UBE2D2: variants seen among roughly 807,000 people sequenced by gnomAD.
The protein encoded by UBE2D2 is ubiquitin-conjugating enzyme E2 D2.
UBE2D2 carries 2 observed loss-of-function variants against 24.2 expected under a neutral mutation model. The observed-to-expected ratio is 0.08, with a 90% CI of 0.03 to 0.26. UBE2D2 has a LOEUF of 0.26. UBE2D2 is among the 10% of genes least tolerant of loss of function. UBE2D2 has a pLI of 1.00. For missense variants in UBE2D2, 44 were observed against 177.6 expected, an observed-to-expected ratio of 0.25 and a Z score of 4.28; for synonymous variants, 58 against 56.5, an observed-to-expected ratio of 1.03 and a Z score of -0.12.
intron 1 of UBE2D2, chr5:139,555,002 G>C (rs949531988): frequency 6.6e-6 from 1 of 151,760 alleles, no homozygotes; most frequent in African/African-American, 2.4e-5. Context: ...CATATTAGCC[G>C]CTCATTGTGA....
At chr5:139,624,675 A>C (rs1294342358) in intron 6 of UBE2D2, among the ~76,000 whole-genome samples, 1 of 152,158 alleles carries the variant, frequency 6.6e-6, no homozygotes, top group Non-Finnish European at 1.5e-5. Flanking sequence ...AATCGCAGCT[A>C]CTCGAGAGGC....
chr5:139,619,929 C>T (rs1363371319), intron 5 of UBE2D2, among the ~76,000 whole-genome samples: 2 of 152,166 alleles, frequency 1.3e-5, no homozygotes, highest in African/African-American at 4.8e-5. Flanking sequence ...GCAGCATCTG[C>T]TTCTGCGGAG....
intron 1 of UBE2D2, among the ~76,000 whole-genome samples, chr5:139,549,674 AC>A (rs1270328003): frequency 6.6e-6 from 1 of 152,094 alleles, no homozygotes; most frequent in African/African-American, 2.4e-5. Flanking sequence ...ACGGGGCGCC[AC>A]CCCCTGCTCC....
chr5:139,568,797 C>T (rs2126652992), intron 1 of UBE2D2, among the ~76,000 whole-genome samples: 1 of 152,158 alleles, frequency 6.6e-6, no homozygotes, highest in East Asian at 1.9e-4. Context: ...ATGGTGAAAC[C>T]CTGTCTCTAC....
At chr5:139,566,910 G>T in intron 1 of UBE2D2, among the ~76,000 whole-genome samples, 1 of 150,320 alleles carries the variant, frequency 6.7e-6, no homozygotes, top group Non-Finnish European at 1.5e-5. Context: ...TTTGGCAACC[G>T]ATTCAACTTA....
chr5:139,588,630 G>C (rs1237096407), intron 1 of UBE2D2, among the ~76,000 whole-genome samples: 4 of 152,082 alleles, frequency 2.6e-5, no homozygotes, highest in Admixed American at 6.6e-5. Context: ...AAAGGGATAG[G>C]CTTCATGAGA....
chr5:139,583,289 C>T (rs1465050114), intron 1 of UBE2D2, among the ~76,000 whole-genome samples: 15 of 152,076 alleles, frequency 9.9e-5, no homozygotes, highest in Non-Finnish European at 2.9e-5. Context: ...ACAATGTATT[C>T]TTAAAAATTG....
chr5:139,528,217 C>T (rs942996687), intron 1 of UBE2D2, among the ~76,000 whole-genome samples: 39 of 152,152 alleles, frequency 2.6e-4, no homozygotes, highest in African/African-American at 9.7e-5. Flanking sequence ...TGTTCATCCC[C>T]GAGTGGATGT....
At chr5:139,567,634 C>T (rs369029992) in intron 1 of UBE2D2, among the ~76,000 whole-genome samples, 64 of 149,462 alleles carry the variant, frequency 4.3e-4, no homozygotes, top group African/African-American at 1.5e-3. Flanking sequence ...CCTGGGTTCA[C>T]GCCATTCTCC....
intron 1 of UBE2D2, among the ~76,000 whole-genome samples, chr5:139,591,197 C>T (rs1213796912): frequency 6.6e-6 from 1 of 151,012 alleles, no homozygotes; most frequent in African/African-American, 2.4e-5. Context: ...CTCGGCTCAC[C>T]ATAACCTGCA....
At chr5:139,565,328 G>A (rs1232547999) in intron 1 of UBE2D2, among the ~76,000 whole-genome samples, 1 of 152,086 alleles carries the variant, frequency 6.6e-6, no homozygotes, top group Non-Finnish European at 1.5e-5. Context: ...ACATCTTAAG[G>A]TCCCCTGACC....
At chr5:139,624,938 G>A (rs571815314) in intron 6 of UBE2D2, among the ~76,000 whole-genome samples, 76 of 152,220 alleles carry the variant, frequency 5.0e-4, no homozygotes, top group African/African-American at 1.6e-3. Flanking sequence ...TGTTTTGTCC[G>A]ATATTTAGAA....
At chr5:139,600,465 T>C (rs761221923) in intron 2 of UBE2D2, 30 bp downstream of exon 2, 50 of 1,608,460 alleles carry the variant, frequency 3.1e-5, no homozygotes, top group Non-Finnish European at 3.8e-5. Context: ...AATGGAGTAA[T>C]AGCATAACAG....
intron 1 of UBE2D2, among the ~76,000 whole-genome samples, chr5:139,528,488 A>C (rs900899344): frequency 6.6e-6 from 1 of 152,222 alleles, no homozygotes; most frequent in Non-Finnish European, 1.5e-5. Flanking sequence ...CCAGTGGCCT[A>C]TCTCTCAAAA....
intron 1 of UBE2D2, among the ~76,000 whole-genome samples, chr5:139,547,547 T>C (rs2126636179): frequency 6.6e-6 from 1 of 150,968 alleles, no homozygotes. Context: ...GTCTTGCCTG[T>C]CACCCAGGCT....
At chr5:139,598,661 A>G (rs1360882957) in intron 1 of UBE2D2, among the ~76,000 whole-genome samples, 1 of 147,816 alleles carries the variant, frequency 6.8e-6, no homozygotes, top group Admixed American at 6.9e-5. Context: ...CCTGGGTTCA[A>G]GCATTACTTC....
At chr5:139,582,305 C>T (rs1399167615) in intron 1 of UBE2D2, among the ~76,000 whole-genome samples, 1 of 151,770 alleles carries the variant, frequency 6.6e-6, no homozygotes, top group African/African-American at 2.4e-5. Flanking sequence ...CTCTGTTGCC[C>T]AGGCCGGAGT....
intron 5 of UBE2D2, 64 bp from the exon 6 acceptor site, chr5:139,623,304 C>CT (rs1360096223): frequency 1.1e-5 from 13 of 1,233,604 alleles, no homozygotes; most frequent in Admixed American, 2.1e-5. Flanking sequence ...GTTTTGGCGT[C>CT]TCATGTTTCT....
intron 1 of UBE2D2, among the ~76,000 whole-genome samples, chr5:139,535,404 C>T (rs1316891198): frequency 3.3e-5 from 5 of 151,572 alleles, no homozygotes; most frequent in African/African-American, 1.2e-4. Context: ...TGCAGTGAGC[C>T]GAGATCGCGC....
Sources: allele counts gnomAD v4.1 joint callset (sites outside exome capture counted in the v4.1 genomes callset), GRCh38; gene constraint gnomAD v4.1.1; transcripts MANE v1.5; gene names NCBI Gene and HGNC (gene_info 2026-07-23, HGNC 2026-07-21).